Variants in NRCAM observed in about 807,000 individuals in gnomAD.
NRCAM encodes NgCAM-related cell adhesion molecule.
NRCAM carries 83 observed loss-of-function variants against 156.5 expected under a neutral mutation model. That is an observed-to-expected ratio of 0.53 (90% CI 0.44 to 0.64). The LOEUF (loss-of-function observed/expected upper bound fraction) is 0.64. Among genes scored for constraint, NRCAM ranks in the 30% least tolerant of loss-of-function variants. NRCAM has a pLI of 0.00. For missense variants in NRCAM, 1,417 were observed against 1,597.3 expected, an observed-to-expected ratio of 0.89 and a Z score of 1.92; for synonymous variants, 538 against 563.9, an observed-to-expected ratio of 0.95 and a Z score of 0.65.
chr7:108,438,580 G>A (rs995311911), intron 1 of NRCAM, among the ~76,000 whole-genome samples: 3 of 152,198 alleles, frequency 2.0e-5, no homozygotes, highest in Middle Eastern at 3.4e-3. Flanking sequence ...TTCCCCCTAA[G>A]ATTGGGAACA....
chr7:108,341,473 A>G (rs2099276555), intron 2 of NRCAM, among the ~76,000 whole-genome samples: 1 of 152,054 alleles, frequency 6.6e-6, no homozygotes, highest in Non-Finnish European at 1.5e-5. Flanking sequence ...TTACTCTTTC[A>G]CATGCTTTTC....
chr7:108,176,532 T>A lies in NRCAM; in HGVS notation c.3049A>T (p.Asn1017Tyr). The change falls in exon 27 of 33, where the codon AAT becomes TAT. Residue 1017 changes from asparagine to tyrosine, a missense_variant. Physicochemically the swap from Asn to Tyr is moderately radical, Grantham distance 143. This residue lies in a region of NRCAM where 1,238 missense variants were observed against 1,336.4 expected (regional missense o/e 0.93). Transcript: ENST00000379028. Reference protein sequence around the residue: ...PANKTRWTLKNLNFSTRYKFY... With the variant: ...PANKTRWTLKYLNFSTRYKFY... ...TTATATCGAGTGCTGAAATTTAAAT[T>A]TTTTAAAGTCCACCGTGTCTTGTTG... 1 of 1,613,802 alleles carries A rather than the reference T, an allele frequency of 6.2e-7. No homozygotes were observed. Among genetic ancestry groups the A allele is most frequent in the Non-Finnish European group, 8.5e-7 (1 of 1,179,844 alleles).
chr7:108,424,471 C>T (rs1289927042), intron 1 of NRCAM, among the ~76,000 whole-genome samples: 1 of 152,142 alleles, frequency 6.6e-6, no homozygotes, highest in African/African-American at 2.4e-5. Flanking sequence ...GGATGTGTTG[C>T]CTATCAGGCA....
intron 28 of NRCAM, among the ~76,000 whole-genome samples, chr7:108,172,420 C>G (rs776848102): frequency 6.6e-6 from 1 of 152,088 alleles, no homozygotes; most frequent in African/African-American, 2.4e-5. Flanking sequence ...CTCCGCCTCC[C>G]GGGCAGCTAG....
At chr7:108,177,718 T>TAC (rs1454753440) in intron 26 of NRCAM, among the ~76,000 whole-genome samples, 211 of 19,368 alleles carry the variant, frequency 0.011, 1 homozygote, top group Admixed American at 0.06. Flanking sequence ...TATATATACG[T>TAC]GTGTATATAT....
At chr7:108,297,771 A>G (rs2300013) in intron 3 of NRCAM, among the ~76,000 whole-genome samples, 34,619 of 152,222 alleles carry the variant, frequency 0.23, 4,264 homozygotes, top group African/African-American at 0.28. Context: ...GGGTTCCAAC[A>G]TGTCAATGTG....
At chr7:108,324,282 G>A (rs2099038969) in intron 2 of NRCAM, among the ~76,000 whole-genome samples, 1 of 152,118 alleles carries the variant, frequency 6.6e-6, no homozygotes, top group Admixed American at 6.5e-5. Context: ...GGTGCCACAT[G>A]GGTAGAGTTT....
At chr7:108,398,464 A>G (rs1052479377) in intron 2 of NRCAM, among the ~76,000 whole-genome samples, 3 of 152,142 alleles carry the variant, frequency 2.0e-5, no homozygotes, top group African/African-American at 7.2e-5. Flanking sequence ...TACTTCCTCC[A>G]GTGTAATACA....
chr7:108,436,113 G>A (rs1373449271), intron 1 of NRCAM, among the ~76,000 whole-genome samples: 2 of 152,192 alleles, frequency 1.3e-5, no homozygotes, highest in Non-Finnish European at 2.9e-5. Context: ...CAGCCTGGGC[G>A]ACAGAGTGAG....
intron 20 of NRCAM, among the ~76,000 whole-genome samples, chr7:108,189,002 C>T (rs181526372): frequency 3.4e-4 from 51 of 151,346 alleles, no homozygotes; most frequent in Admixed American, 1.2e-3. Flanking sequence ...AATTCAACTT[C>T]GAAGCTTACC....
chr7:108,206,058 G>T (rs1480981585), intron 13 of NRCAM, among the ~76,000 whole-genome samples: 1 of 152,148 alleles, frequency 6.6e-6, no homozygotes, highest in Non-Finnish European at 1.5e-5. Flanking sequence ...CTATTTGCTG[G>T]CCTCTAGCAT....
chr7:108,389,544 T>C (rs913265867), intron 2 of NRCAM, among the ~76,000 whole-genome samples: 1 of 152,188 alleles, frequency 6.6e-6, no homozygotes, highest in African/African-American at 2.4e-5. Flanking sequence ...GAATACCCTT[T>C]ATTTCTTTCT....
intron 2 of NRCAM, among the ~76,000 whole-genome samples, chr7:108,350,364 C>G (rs1357259980): frequency 6.6e-6 from 1 of 152,194 alleles, no homozygotes; most frequent in Non-Finnish European, 1.5e-5. Flanking sequence ...ATCTGTGACT[C>G]TTTACTCATC....
intron 2 of NRCAM, among the ~76,000 whole-genome samples, chr7:108,316,973 ATG>A (rs1454381641): frequency 2.0e-5 from 3 of 152,116 alleles, no homozygotes; most frequent in Non-Finnish European, 4.4e-5. Context: ...GAGAGCTAAT[ATG>A]TGTCACTTCT....
chr7:108,221,596 A>G (rs1040569753), intron 11 of NRCAM, among the ~76,000 whole-genome samples: 4 of 152,222 alleles, frequency 2.6e-5, no homozygotes, highest in African/African-American at 7.2e-5. Context: ...GAAGTAACTC[A>G]GGAATGGAAA....
chr7:108,219,227 A>G (rs1347209063), intron 11 of NRCAM, among the ~76,000 whole-genome samples: 1 of 140,594 alleles, frequency 7.1e-6, no homozygotes, highest in Non-Finnish European at 1.5e-5. Flanking sequence ...AAAAATTACC[A>G]AAAAAAAGTC....
chr7:108,306,045 T>G (rs766194630), intron 3 of NRCAM, among the ~76,000 whole-genome samples: 1 of 152,226 alleles, frequency 6.6e-6, no homozygotes, highest in Non-Finnish European at 1.5e-5. Context: ...AACAACCATT[T>G]AAAATAATAG....
At chr7:108,176,768 G>T (rs1416071016) in intron 26 of NRCAM, 162 bp from the exon 27 acceptor site, 3 of 583,606 alleles carry the variant, frequency 5.1e-6, no homozygotes, top group Non-Finnish European at 6.0e-6. Context: ...CCTTTTAACA[G>T]CTCCTATGCT....
Position 108,232,405 on chromosome 7 carries a change from G to A in NRCAM, c.348C>T (p.Thr116=), listed in dbSNP as rs150948949. ...CTGTACACTGATAGACTCCTTCATA[G>A]GTCTCAGCTTTCCCTTCGCTCATGA... ...INIMSEGKAE[T]YEGVYQCTAR... The change falls in exon 7 of 33, where the codon ACC becomes ACT. Residue 116 remains threonine, a synonymous_variant. Coordinates refer to ENST00000379028, the MANE Select transcript of NRCAM (RefSeq NM_001037132.4). The A allele has an allele frequency of 8.1e-6, 13 of 1,613,734 alleles. No homozygotes were observed. The highest frequency in any genetic ancestry group is 1.1e-5 in the Non-Finnish European group (13 of 1,179,788).
Sources: allele counts gnomAD v4.1 joint callset (sites outside exome capture counted in the v4.1 genomes callset), GRCh38; gene constraint gnomAD v4.1.1; regional missense constraint gnomAD v4.1.1; transcripts MANE v1.5; gene names NCBI Gene and HGNC (gene_info 2026-07-23, HGNC 2026-07-21).